The following ZNF609 variants were observed in gnomAD, a reference collection of about 807,000 sequenced individuals.
The protein encoded by ZNF609 is zinc finger protein 609.
Under a neutral mutation model 109.5 loss-of-function variants are expected in ZNF609, and 11 were observed. That is an observed-to-expected ratio of 0.10 (90% confidence interval 0.06 to 0.17). ZNF609 has a LOEUF of 0.17. Among genes scored for constraint, ZNF609 ranks in the 10% least tolerant of loss-of-function variants. The probability of loss-of-function intolerance (pLI) is 1.00; values close to 1 mark genes in which losing one functional copy is unlikely to be tolerated. For synonymous variants in ZNF609, 646 were observed against 662.0 expected (o/e 0.98, Z 0.37); for missense variants, 1,559 against 1,772.4 (o/e 0.88, Z 2.16).
chr15:64,555,724 A>T (rs553832065), intron 2 of ZNF609, among the ~76,000 whole-genome samples: 1 of 152,058 alleles, frequency 6.6e-6, no homozygotes, highest in African/African-American at 2.4e-5. Flanking sequence ...TCTACTAAGA[A>T]TACAAAAATT....
intron 1 of ZNF609, among the ~76,000 whole-genome samples, chr15:64,486,009 TCAC>T (rs1893327672): frequency 6.6e-6 from 1 of 152,160 alleles, no homozygotes; most frequent in South Asian, 2.1e-4. Flanking sequence ...CATACTATTT[TCAC>T]CACCACAGTC....
chr15:64,533,764 C>T (rs1305078239), intron 2 of ZNF609, among the ~76,000 whole-genome samples: 1 of 152,102 alleles, frequency 6.6e-6, no homozygotes, highest in Non-Finnish European at 1.5e-5. Context: ...TAAAATAATA[C>T]AGAGAGATCC....
intron 2 of ZNF609, among the ~76,000 whole-genome samples, chr15:64,587,111 A>G (rs543911411): frequency 3.3e-5 from 5 of 152,230 alleles, no homozygotes; most frequent in Non-Finnish European, 7.3e-5. Flanking sequence ...AGGAAATGAC[A>G]TAATTTAACT....
intron 2 of ZNF609, among the ~76,000 whole-genome samples, chr15:64,621,635 C>A (rs6494482): frequency 0.075 from 11,352 of 152,176 alleles, 765 homozygotes; most frequent in African/African-American, 0.18. Flanking sequence ...GGACTACAGG[C>A]ATGAGCCATT....
chr15:64,631,742 C>T (rs940172345), intron 3 of ZNF609: 3 of 225,126 alleles, frequency 1.3e-5, no homozygotes, highest in African/African-American at 2.4e-5. Context: ...CGGGGTTTCT[C>T]CATGTTGGTC....
At chr15:64,671,578 G>T (rs1019972756) in intron 4 of ZNF609, among the ~76,000 whole-genome samples, 2 of 152,060 alleles carry the variant, frequency 1.3e-5, no homozygotes, top group Non-Finnish European at 1.5e-5. Context: ...TTTTCATGTC[G>T]CAATTTGACC....
At chr15:64,624,850 C>G (rs1211106822) in intron 3 of ZNF609, among the ~76,000 whole-genome samples, 1 of 150,160 alleles carries the variant, frequency 6.7e-6, no homozygotes, top group Non-Finnish European at 1.5e-5. Flanking sequence ...ACCTCTGCCT[C>G]CCAGGTTCAA....
chr15:64,645,603 AGAAT>A (rs1192059652), intron 3 of ZNF609, among the ~76,000 whole-genome samples: 1 of 152,202 alleles, frequency 6.6e-6, no homozygotes, highest in East Asian at 1.9e-4. Flanking sequence ...GAATAAAGAT[AGAAT>A]GAGAGAAAAT....
At chr15:64,670,776 G>C (rs943504018) in intron 4 of ZNF609, among the ~76,000 whole-genome samples, 1 of 151,570 alleles carries the variant, frequency 6.6e-6, no homozygotes, top group Non-Finnish European at 1.5e-5. Flanking sequence ...TGCTTGAGAG[G>C]GTGAGGCAGG....
At chr15:64,518,108 G>A (rs779040419) in intron 2 of ZNF609, among the ~76,000 whole-genome samples, 7 of 152,196 alleles carry the variant, frequency 4.6e-5, no homozygotes, top group Non-Finnish European at 8.8e-5. Flanking sequence ...TAATGTGGGA[G>A]ACAGATAAAT....
At chr15:64,610,564 G>A (rs775401664) in intron 2 of ZNF609, among the ~76,000 whole-genome samples, 1 of 152,150 alleles carries the variant, frequency 6.6e-6, no homozygotes, top group South Asian at 2.1e-4. Context: ...CCGGAGGATC[G>A]TTGAGTCCAG....
Position 64,674,438 on chromosome 15 carries a change from A to G in ZNF609, c.1584A>G (p.Glu528=), listed in dbSNP as rs758935440. 10 of 1,614,200 alleles carry G rather than the reference A, an allele frequency of 6.2e-6. No individual in the cohort carries two copies. The highest frequency in any genetic ancestry group is 7.6e-6 in the Non-Finnish European group (9 of 1,180,038). The stretch of plus-strand genomic sequence containing the variant: ...ATACAGATGATGACAGCAAGCCGGA[A>G]GCGGATGGGGACAGTGAGTACGGAG... ...HAHTDDDSKP[E]ADGDSEYGEE... is the part of the protein sequence containing the mutation. Residue 528 remains glutamate (E), a synonymous_variant, in exon 5 of 10, where the codon GAA becomes GAG. Transcript: ENST00000326648.
At chr15:64,623,914 A>G (rs762153755) in intron 3 of ZNF609, among the ~76,000 whole-genome samples, 5 of 152,100 alleles carry the variant, frequency 3.3e-5, no homozygotes, top group Non-Finnish European at 7.4e-5. Flanking sequence ...GCATCAGTAA[A>G]CAGACTTTCA....
At chr15:64,543,066 G>A (rs147771169) in intron 2 of ZNF609, among the ~76,000 whole-genome samples, 1,737 of 152,162 alleles carry the variant, frequency 0.011, 39 homozygotes, top group African/African-American at 0.04. Context: ...CCTAGATGAC[G>A]GGTTGATAGG....
At chr15:64,606,077 T>C (rs1895593577) in intron 2 of ZNF609, among the ~76,000 whole-genome samples, 1 of 150,974 alleles carries the variant, frequency 6.6e-6, no homozygotes, top group Admixed American at 6.6e-5. Context: ...TTTCAACCAG[T>C]CTGTCTTTTA....
chr15:64,550,324 A>ATTGTTGTTGTTGTTGTTGTTGTTG (rs35706760), intron 2 of ZNF609, among the ~76,000 whole-genome samples: 2 of 150,848 alleles, frequency 1.3e-5, no homozygotes, highest in African/African-American at 4.9e-5. Context: ...TGTTGTTGTT[A>ATTGTTGTTGTTGTTGTTGTTGTTG]TTGTTGTTGT....
intron 2 of ZNF609, among the ~76,000 whole-genome samples, chr15:64,557,086 CTA>C (rs1264897162): frequency 1.3e-5 from 2 of 151,896 alleles, no homozygotes; most frequent in African/African-American, 4.8e-5. Context: ...ATAGCACAGA[CTA>C]TTAGTTTGAA....
In ZNF609 at chr15:64,683,464, C is replaced by T; in HGVS notation, c.*1778C>T. On this transcript the variant is annotated 3_prime_UTR_variant, in exon 10 of 10. Transcript: ENST00000326648. ...GGCCTTTTCCCTAGGTTTCTGCCTC[C>T]TCGTTTTTGTTCAAGTTGGGTTCTG... 1 of 152,818 alleles carries T rather than the reference C, an allele frequency of 6.5e-6. No individual in the cohort carries two copies. The highest frequency in any genetic ancestry group is 1.9e-4 in the East Asian group (1 of 5,222). 9.5% of individuals were successfully genotyped at this position (152,818 alleles called of 1,614,324 possible).
chr15:64,624,298 T>C (rs932807380), intron 3 of ZNF609, among the ~76,000 whole-genome samples: 2 of 152,190 alleles, frequency 1.3e-5, no homozygotes, highest in Non-Finnish European at 2.9e-5. Context: ...GATATGTGTA[T>C]ACAATATACA....
Sources: gnomAD v4.1 joint callset for allele counts (sites outside exome capture counted in the v4.1 genomes callset) on GRCh38, gnomAD v4.1.1 for gene constraint, MANE v1.5 for transcripts, NCBI Gene and HGNC (gene_info 2026-07-23, HGNC 2026-07-21) for gene names.